The following DAPK2 variants were observed in gnomAD, a reference collection of about 807,000 sequenced individuals.
The protein encoded by DAPK2 is death-associated protein kinase 2.
In DAPK2, 35 loss-of-function variants were observed where a neutral mutation model predicts 44.1. The observed-to-expected ratio is 0.79, with a 90% CI of 0.61 to 1.05. DAPK2 has a LOEUF of 1.05. Among genes scored for constraint, DAPK2 ranks in the 50% least tolerant of loss-of-function variants. The pLI, the probability that DAPK2 is intolerant of heterozygous loss-of-function variation, is 0.00. For missense variants in DAPK2, 453 were observed against 483.2 expected (o/e 0.94, Z 0.59); for synonymous variants, 174 against 182.6 (o/e 0.95, Z 0.38).
intron 3 of DAPK2, among the ~76,000 whole-genome samples, chr15:63,956,836 C>G (rs1485766773): frequency 1.3e-5 from 2 of 152,198 alleles, no homozygotes; most frequent in Non-Finnish European, 2.9e-5. Flanking sequence ...ATCCACCTGC[C>G]TCGGCCTCCC....
chr15:63,940,027 G>A (rs763675958), intron 3 of DAPK2, among the ~76,000 whole-genome samples: 18 of 152,320 alleles, frequency 1.2e-4, no homozygotes, highest in Middle Eastern at 3.4e-3. Flanking sequence ...ACACAACAAT[G>A]CAGGTGGGTG....
At chr15:63,982,239 G>A (rs1040602400) in intron 2 of DAPK2, among the ~76,000 whole-genome samples, 2 of 135,790 alleles carry the variant, frequency 1.5e-5, no homozygotes, top group African/African-American at 5.5e-5. Flanking sequence ...CACCCAGGCT[G>A]GAGTGCAGTG....
At chr15:63,934,804 C>T (rs2077090980) in intron 4 of DAPK2, among the ~76,000 whole-genome samples, 1 of 152,200 alleles carries the variant, frequency 6.6e-6, no homozygotes, top group Non-Finnish European at 1.5e-5. Flanking sequence ...AGTGATCTAA[C>T]CGTCTTGGCC....
chr15:64,003,584 T>TTTCC (rs1455318515), intron 1 of DAPK2, among the ~76,000 whole-genome samples: 2 of 151,982 alleles, frequency 1.3e-5, no homozygotes, highest in Non-Finnish European at 2.9e-5. Context: ...TTTTCTTTCT[T>TTTCC]TTCCTTCCTT....
At chr15:63,911,805 A>G (rs967447679) in intron 10 of DAPK2, 103 bp downstream of exon 11, 32 of 1,171,118 alleles carry the variant, frequency 2.7e-5, no homozygotes, top group Non-Finnish European at 1.9e-5. Flanking sequence ...GGCTGGAAAC[A>G]GTGAACACCC....
chr15:64,003,995 T>TA (rs1567267232), intron 1 of DAPK2, among the ~76,000 whole-genome samples: 2 of 152,346 alleles, frequency 1.3e-5, no homozygotes, highest in African/African-American at 2.4e-5. Flanking sequence ...AACTTTTTTT[T>TA]ACAGTTTGTT....
At chr15:63,933,754 A>G (rs565011758) in intron 4 of DAPK2, among the ~76,000 whole-genome samples, 6 of 151,922 alleles carry the variant, frequency 3.9e-5, no homozygotes, top group African/African-American at 1.2e-4. Flanking sequence ...ATGTGCCACT[A>G]TACCAGGTAA....
At chr15:63,962,884 A>G (rs4776692) in intron 3 of DAPK2, among the ~76,000 whole-genome samples, 74,058 of 152,186 alleles carry the variant, frequency 0.49, 19,313 homozygotes, top group East Asian at 0.97. Context: ...AATCTGTCAG[A>G]CAAGGACGTT....
intron 1 of DAPK2, among the ~76,000 whole-genome samples, chr15:63,986,884 C>A (rs1269462603): frequency 3.9e-5 from 6 of 152,150 alleles, no homozygotes; most frequent in Non-Finnish European, 8.8e-5. Context: ...CTGATTATCT[C>A]CATTTCACAA....
intron 1 of DAPK2, among the ~76,000 whole-genome samples, chr15:64,036,337 A>G (rs1241767847): frequency 3.5e-4 from 43 of 122,256 alleles, no homozygotes; most frequent in South Asian, 9.8e-4. Flanking sequence ...ATATATATAT[A>G]CATATATATA....
rs1417187090 is a variant in DAPK2, at chr15:64,046,287, G to A, written c.-7+11C>T. On this transcript the variant is annotated intron_variant, in intron 1 of 11. Coordinates refer to the DAPK2 transcript ENST00000457488. The surrounding 1 kb of genome is among the most constrained non-coding windows in gnomAD (Gnocchi z 5.3). ...TCCCGCCCATCGAGCCCGCAGACGG[G>A]TGCTACTCACGGCGGGAGGCTGAGC... The A allele has an allele frequency of 2.0e-6, 2 of 982,596 alleles. No individual in the cohort carries two copies. Among genetic ancestry groups the A allele is most frequent in the African/African-American group, 3.5e-5 (2 of 56,998 alleles). The allele number at this position is 982,596 out of a possible 1,614,324, so 60.9% of individuals were successfully genotyped here. A position where few individuals can be genotyped will look rare whatever the true frequency, so the allele number is the denominator to read the frequency against.
intron 3 of DAPK2, among the ~76,000 whole-genome samples, chr15:63,971,156 CT>C (rs2078201450): frequency 6.6e-6 from 1 of 152,194 alleles, no homozygotes; most frequent in Non-Finnish European, 1.5e-5. Flanking sequence ...GTGTTCCCCC[CT>C]GCTCCCTGAA....
chr15:64,016,865 AAGGAAGGAAG>A (rs1190952520), intron 1 of DAPK2, among the ~76,000 whole-genome samples: 60 of 149,322 alleles, frequency 4.0e-4, no homozygotes, highest in Non-Finnish European at 7.0e-4. Flanking sequence ...GGAAGGAAGG[AAGGAAGGAAG>A]GAAGGAAGGA....
intron 1 of DAPK2, among the ~76,000 whole-genome samples, chr15:64,037,476 G>A (rs947280983): frequency 1.3e-5 from 2 of 152,130 alleles, no homozygotes; most frequent in African/African-American, 2.4e-5. Flanking sequence ...ACACCTTATG[G>A]TGATTTATCC....
At chr15:63,915,521 A>G (rs1306330096) in intron 8 of DAPK2, among the ~76,000 whole-genome samples, 1 of 152,008 alleles carries the variant, frequency 6.6e-6, no homozygotes, top group East Asian at 1.9e-4. Context: ...ACTGATTGGC[A>G]CCCTCACCCA....
chr15:63,937,570 G>C (rs2077196778), intron 4 of DAPK2, among the ~76,000 whole-genome samples: 1 of 151,970 alleles, frequency 6.6e-6, no homozygotes, highest in Admixed American at 6.5e-5. Context: ...CCCTCCTCTG[G>C]CTCCCTCCCC....
chr15:63,983,389 G>A, intron 2 of DAPK2, 144 bp downstream of exon 3: 1 of 687,644 alleles, frequency 1.5e-6, no homozygotes. Context: ...AGACAGAGGG[G>A]ATCTGCCCAC....
chr15:64,040,294 G>C, upstream of DAPK2: 1 of 1,582,996 alleles, frequency 6.3e-7, no homozygotes, highest in Non-Finnish European at 8.7e-7. Context: ...CCTGTGGTTA[G>C]GACAGCCATC....
In DAPK2 at chr15:63,917,501, C is replaced by G. The variant is rs560171398; in HGVS notation, c.859-5304G>C. On this transcript the variant is annotated intron_variant, in intron 8 of 10. Transcript: ENST00000261891. This position sits in a 1 kb window ranked among gnomAD's most constrained non-coding sequence, Gnocchi z 4.4. ...AATGGGAGAGATGAATGAAAGAGGA[C>G]CCGCATGACTTGATTCCTGCTGGAG... 6.6e-6 allele frequency: 1 copy of G among 152,174 alleles called. No individual in the cohort carries two copies. Among genetic ancestry groups the G allele is most frequent in the East Asian group, 1.9e-4 (1 of 5,190 alleles). The allele number at this position is 152,174 out of a possible 1,614,324, so 9.4% of individuals were successfully genotyped here.
Sources: gnomAD v4.1 joint callset for allele counts (sites outside exome capture counted in the v4.1 genomes callset) on GRCh38, gnomAD v4.1.1 for gene constraint, Gnocchi (gnomAD v3.1) non-coding constraint, MANE v1.5 for transcripts, NCBI Gene and HGNC (gene_info 2026-07-23, HGNC 2026-07-21) for gene names.